The following PRKN variants were observed in gnomAD, a reference collection of about 807,000 sequenced individuals.
PRKN encodes the protein E3 ubiquitin-protein ligase parkin.
PRKN carries 56 observed loss-of-function variants against 59.5 expected under a neutral mutation model. The observed-to-expected ratio is 0.94, with a 90% CI of 0.76 to 1.18. The LOEUF (loss-of-function observed/expected upper bound fraction) is 1.18. Among genes scored for constraint, PRKN ranks in the 50% most tolerant of loss-of-function variants. The probability of loss-of-function intolerance (pLI) is 0.00; values close to 1 mark genes in which losing one functional copy is unlikely to be tolerated. For synonymous variants in PRKN, 250 were observed against 222.1 expected (o/e 1.13, Z -1.12); for missense variants, 657 against 596.4 (o/e 1.10, Z -1.06).
At chr6:162,446,998 C>T (rs545190990) in intron 1 of PRKN, among the ~76,000 whole-genome samples, 3 of 152,258 alleles carry the variant, frequency 2.0e-5, no homozygotes, top group East Asian at 3.9e-4. Context: ...GACAAGTTAC[C>T]TGGCCACCTT....
At position 162,195,751 on chromosome 6, in the gene PRKN, A is replaced by G. The variant is rs139390541; in HGVS notation, c.534+5380T>C. ...ACAGTAATCTCCTGGCTTCTGATTC[A>G]TTTTAAGACCAATAAACTGAGTACA... On this transcript the variant is annotated intron_variant, in intron 4 of 11. Coordinates refer to ENST00000366898, the MANE Select transcript of PRKN (RefSeq NM_004562.3). 6.0e-3 allele frequency among the ~76,000 whole-genome samples: 917 copies of G among 152,266 alleles called. 16 individuals are homozygous for G. Among genetic ancestry groups the G allele is most frequent in the African/African-American group, 0.021 (886 of 41,562 alleles).
At chr6:162,434,090 C>T (rs182131663) in intron 2 of PRKN, among the ~76,000 whole-genome samples, 11 of 152,122 alleles carry the variant, frequency 7.2e-5, no homozygotes, top group Non-Finnish European at 1.2e-4. Flanking sequence ...AGAATAAAAT[C>T]TTCAATCCAA....
rs560477286 is a variant in PRKN, at chr6:162,246,508, C to T, written c.412+16017G>A. Among the ~76,000 whole-genome samples, 191 of 152,262 alleles carry T rather than the reference C, an allele frequency of 1.3e-3. 1 individual carries two copies. Among genetic ancestry groups the T allele is most frequent in the African/African-American group, 4.2e-3 (175 of 41,558 alleles). ...CAGAAAATAAAGCAAACTCTGAGTA[C>T]TTCAAGTGTTCTAGATTTTTAGGGA... On this transcript the variant is annotated intron_variant, in intron 3 of 11. Transcript: ENST00000366898.
At chr6:162,294,723 G>T (rs1004464710) in intron 2 of PRKN, among the ~76,000 whole-genome samples, 1 of 150,450 alleles carries the variant, frequency 6.6e-6, no homozygotes, top group African/African-American at 2.4e-5. Flanking sequence ...AAGAGAATAA[G>T]AATAGAATAA....
intron 7 of PRKN, among the ~76,000 whole-genome samples, chr6:161,685,070 C>T (rs1785504293): frequency 6.6e-6 from 1 of 152,138 alleles, no homozygotes; most frequent in East Asian, 1.9e-4. Flanking sequence ...ACATCGAATA[C>T]TTCTACAGAA....
At chr6:162,073,678 C>G (rs567105679) in intron 4 of PRKN, among the ~76,000 whole-genome samples, 21 of 152,306 alleles carry the variant, frequency 1.4e-4, no homozygotes, top group African/African-American at 5.1e-4. Context: ...TGTGGAACTC[C>G]CGGGCTCAAG....
chr6:161,959,928 G>A (rs949806880), intron 6 of PRKN, among the ~76,000 whole-genome samples: 4 of 152,064 alleles, frequency 2.6e-5, no homozygotes, highest in Non-Finnish European at 5.9e-5. Flanking sequence ...GGTTCAGGAG[G>A]GAAAGCTGTT....
chr6:161,449,124 T>C (rs1789615843), intron 9 of PRKN, among the ~76,000 whole-genome samples: 1 of 152,226 alleles, frequency 6.6e-6, no homozygotes, highest in Non-Finnish European at 1.5e-5. Context: ...AGAAGCTGTG[T>C]GTATTATTAT....
intron 7 of PRKN, among the ~76,000 whole-genome samples, chr6:161,571,309 A>T (rs963027162): frequency 2.0e-5 from 3 of 152,222 alleles, no homozygotes; most frequent in African/African-American, 7.2e-5. Context: ...GATAAGACCT[A>T]TGGATTATAT....
At chr6:162,011,236 A>C (rs1476853930) in intron 5 of PRKN, among the ~76,000 whole-genome samples, 129 of 2,172 alleles carry the variant, frequency 0.059, no homozygotes, top group Non-Finnish European at 0.14. Context: ...ATAATATATA[A>C]TTTATAATAT....
chr6:162,086,730 A>G (rs927137854), intron 4 of PRKN, among the ~76,000 whole-genome samples: 1 of 152,194 alleles, frequency 6.6e-6, no homozygotes, highest in Non-Finnish European at 1.5e-5. Flanking sequence ...AGCTCTTCAA[A>G]TACTTCTCCT....
chr6:162,549,600 G>A (rs979204290), intron 1 of PRKN, among the ~76,000 whole-genome samples: 3 of 151,702 alleles, frequency 2.0e-5, no homozygotes, highest in African/African-American at 7.3e-5. Context: ...TAGCAGGGGA[G>A]GTAGAAAGAC....
intron 6 of PRKN, among the ~76,000 whole-genome samples, chr6:161,863,807 G>A (rs1410760660): frequency 6.6e-6 from 1 of 152,028 alleles, no homozygotes; most frequent in African/African-American, 2.4e-5. Context: ...CATAATAAAG[G>A]GAATACTGCA....
At position 161,561,353 on chromosome 6, in the gene PRKN, A is replaced by C. The variant is rs914231107; in HGVS notation, c.933+8002T>G. 3.3e-5 allele frequency among the ~76,000 whole-genome samples: 5 copies of C among 152,102 alleles called. No homozygotes were observed. Among genetic ancestry groups the C allele is most frequent in the Admixed American group, 2.0e-4 (3 of 15,254 alleles). The stretch of plus-strand genomic sequence containing the variant: ...GGTTCCTAAGACCAATGTAGGTAGG[A>C]CCTGCCTCTCTCCAGCCATCCATAC... On this transcript the variant is annotated intron_variant, in intron 8 of 11. Transcript: ENST00000366898. This position sits in a 1 kb window ranked among gnomAD's most constrained non-coding sequence, Gnocchi z 5.0.
intron 1 of PRKN, among the ~76,000 whole-genome samples, chr6:162,550,107 A>G (rs1779277541): frequency 6.6e-6 from 1 of 152,204 alleles, no homozygotes; most frequent in African/African-American, 2.4e-5. Flanking sequence ...ATCTATGTGC[A>G]GATAGGTTAA....
chr6:162,475,519 C>T (rs1454403706), intron 1 of PRKN, among the ~76,000 whole-genome samples: 1 of 152,180 alleles, frequency 6.6e-6, no homozygotes, highest in Non-Finnish European at 1.5e-5. Flanking sequence ...GACGTAAGAA[C>T]CGCGCAGGTA....
At chr6:162,583,408 G>A (rs4709643) in intron 1 of PRKN, among the ~76,000 whole-genome samples, 8,316 of 152,182 alleles carry the variant, frequency 0.055, 341 homozygotes, top group East Asian at 0.23. Context: ...GTGAATCATG[G>A]CTTTTTCATT....
intron 7 of PRKN, among the ~76,000 whole-genome samples, chr6:161,591,189 G>A (rs555140676): frequency 6.6e-6 from 1 of 152,316 alleles, no homozygotes; most frequent in South Asian, 2.1e-4. Flanking sequence ...AGAAACAAAT[G>A]TGGTCAGTGT....
At chr6:161,384,993 G>A (rs1353642912) in intron 10 of PRKN, among the ~76,000 whole-genome samples, 1 of 152,116 alleles carries the variant, frequency 6.6e-6, no homozygotes, top group African/African-American at 2.4e-5. Flanking sequence ...GCAGTGGTGC[G>A]ATCTCAGCTC....
Sources: allele counts gnomAD v4.1 joint callset (sites outside exome capture counted in the v4.1 genomes callset), GRCh38; gene constraint gnomAD v4.1.1; non-coding constraint Gnocchi (gnomAD v3.1); transcripts MANE v1.5; gene names NCBI Gene and HGNC (gene_info 2026-07-23, HGNC 2026-07-21).